ACKR3: variants seen among roughly 807,000 people sequenced by gnomAD.
ACKR3 encodes the protein atypical chemokine receptor 3.
A neutral mutation model predicts 22.4 loss-of-function variants in ACKR3; 6 were observed. That is an observed-to-expected ratio of 0.27 (90% CI 0.15 to 0.53). The LOEUF (loss-of-function observed/expected upper bound fraction) is 0.53, where lower values mean the gene tolerates loss of function less well. ACKR3 is among the 20% of genes least tolerant of loss of function. The probability of loss-of-function intolerance (pLI) is 0.96; values close to 1 mark genes in which losing one functional copy is unlikely to be tolerated. For missense variants in ACKR3, 396 were observed against 475.2 expected, an observed-to-expected ratio of 0.83 and a Z score of 1.55; for synonymous variants, 209 against 205.2, an observed-to-expected ratio of 1.02 and a Z score of -0.16.
the ACKR3 span, among the ~76,000 whole-genome samples, chr2:236,555,946 T>C: frequency 1.3e-5 from 2 of 152,268 alleles, no homozygotes; most frequent in South Asian, 4.1e-4. Flanking sequence ...GACAGCGTAT[T>C]TAGAAACTAA....
At chr2:236,573,827 C>A (rs565646798) in intron 1 of ACKR3, among the ~76,000 whole-genome samples, 97 of 152,322 alleles carry the variant, frequency 6.4e-4, no homozygotes, top group African/African-American at 2.2e-3. Flanking sequence ...GTCCTGGCTC[C>A]TGCATGGACA....
chr2:236,558,203 T>G, the ACKR3 span, among the ~76,000 whole-genome samples: 2 of 152,114 alleles, frequency 1.3e-5, no homozygotes, highest in Non-Finnish European at 2.9e-5. Flanking sequence ...GCCTGCTCCT[T>G]GGGGAGCAGG....
chr2:236,580,375 T>A, intron 1 of ACKR3, 65 bp from the exon 2 acceptor site: 2 of 1,525,444 alleles, frequency 1.3e-6, no homozygotes, highest in Non-Finnish European at 1.8e-6. Flanking sequence ...TGCCTGAAAC[T>A]TGAGTTTTTC....
At chr2:236,545,185 T>G in the ACKR3 span, among the ~76,000 whole-genome samples, 3,557 of 152,282 alleles carry the variant, frequency 0.023, 133 homozygotes, top group African/African-American at 0.081. This position sits in a 1 kb window ranked among gnomAD's most constrained non-coding sequence, Gnocchi z 5.3. Flanking sequence ...AGCTTCCATG[T>G]GGCTGGGAGG....
At chr2:236,570,449 T>TC in intron 1 of ACKR3, among the ~76,000 whole-genome samples, 1 of 152,362 alleles carries the variant, frequency 6.6e-6, no homozygotes, top group Non-Finnish European at 1.5e-5. Flanking sequence ...TCTTTGTGAG[T>TC]CCAAGATGTA....
chr2:236,540,546 T>C, the ACKR3 span, among the ~76,000 whole-genome samples: 1 of 152,238 alleles, frequency 6.6e-6, no homozygotes, highest in South Asian at 2.1e-4. Flanking sequence ...CATTAATGTT[T>C]AGTGTTTTTC....
chr2:236,541,749 T>C, the ACKR3 span, among the ~76,000 whole-genome samples: 2 of 152,312 alleles, frequency 1.3e-5, no homozygotes, highest in East Asian at 3.9e-4. Context: ...GTGGAGATAA[T>C]TGAATTATGG....
At chr2:236,569,314 T>C (rs929558948), upstream of ACKR3, among the ~76,000 whole-genome samples, 15 of 152,236 alleles carry the variant, frequency 9.9e-5, no homozygotes, top group African/African-American at 3.6e-4. Context: ...CATCGATTCA[T>C]TGGTCATACC....
rs1442239117 is a variant in ACKR3 at position 236,577,197 on chromosome 2, C to T, written c.-26-3243C>T. Among the ~76,000 whole-genome samples, 2 of 152,196 alleles carry T rather than the reference C, an allele frequency of 1.3e-5. No individual in the cohort carries two copies. The highest frequency in any genetic ancestry group is 2.9e-5 in the Non-Finnish European group (2 of 68,038). Reference sequence around the variant, plus strand: ...CGGTGGGGCAGTGAGGAGCTCCAGCCTCCGCTCTCTCATTCAGCCCTTGGG... The same window carrying T: ...CGGTGGGGCAGTGAGGAGCTCCAGCTTCCGCTCTCTCATTCAGCCCTTGGG... On this transcript the variant is annotated intron_variant, in intron 1 of 1. Transcript: ENST00000272928. The surrounding 1 kb of genome is among the most constrained non-coding windows in gnomAD (Gnocchi z 5.6).
intron 1 of ACKR3, 21 bp from the exon 2 acceptor site, chr2:236,580,419 G>C: frequency 6.4e-7 from 1 of 1,552,926 alleles, no homozygotes; most frequent in Non-Finnish European, 8.7e-7. Context: ...CATCTTTTTT[G>C]TTTGCTTGGT....
At chr2:236,543,941 GTATATATATATATA>G in the ACKR3 span, among the ~76,000 whole-genome samples, 1,175 of 57,714 alleles carry the variant, frequency 0.02, 32 homozygotes, top group Non-Finnish European at 0.036. Context: ...TGGGAGAAGG[GTATATATATATATA>G]TATATATATA....
At chr2:236,553,992 G>C in the ACKR3 span, among the ~76,000 whole-genome samples, 3 of 152,284 alleles carry the variant, frequency 2.0e-5, no homozygotes, top group East Asian at 5.8e-4. Context: ...TAGTTGGTGA[G>C]GGTCCTGGAC....
upstream of ACKR3, among the ~76,000 whole-genome samples, chr2:236,565,888 T>A (rs1207682933): frequency 6.6e-6 from 1 of 152,242 alleles, no homozygotes; most frequent in East Asian, 1.9e-4. Context: ...GAGCGTCCAG[T>A]CCCAGGTGAA....
At chr2:236,552,539 C>T in the ACKR3 span, among the ~76,000 whole-genome samples, 1 of 152,058 alleles carries the variant, frequency 6.6e-6, no homozygotes, top group Non-Finnish European at 1.5e-5. Context: ...AACAACTTTC[C>T]TTTTTGGGAG....
At chr2:236,572,094 A>C (rs941316637) in intron 1 of ACKR3, among the ~76,000 whole-genome samples, 1 of 152,236 alleles carries the variant, frequency 6.6e-6, no homozygotes, top group African/African-American at 2.4e-5. Flanking sequence ...GAAATAAAAG[A>C]AAGCAAGCCA....
At position 236,580,754 on chromosome 2, in the gene ACKR3, A is replaced by G. The variant is rs773823324; in HGVS notation, c.289A>G (p.Ile97Val). Residue 97 changes from isoleucine (I) to valine (V), a missense_variant, in exon 2 of 2, where the codon ATC becomes GTC. Transcript: ENST00000272928. The stretch of plus-strand genomic sequence containing the variant: ...TGCCGACCTGTGGGTTGTCCTCACC[A>G]TCCCAGTCTGGGTGGTCAGTCTCGT... ...AIADLWVVLT[I>V]PVWVVSLVQH... The G allele has an allele frequency of 2.5e-6, 4 of 1,613,924 alleles. No individual in the cohort carries two copies. Among genetic ancestry groups the G allele is most frequent in the Admixed American group, 1.7e-5 (1 of 59,998 alleles).
chr2:236,576,977 T>C (rs192649887), intron 1 of ACKR3, among the ~76,000 whole-genome samples: 42 of 152,336 alleles, frequency 2.8e-4, no homozygotes, highest in African/African-American at 8.2e-4. Context: ...CTTTCCTTCC[T>C]ATCTGACCCC....
chr2:236,568,548 G>C (rs374052688), upstream of ACKR3, among the ~76,000 whole-genome samples: 3 of 152,212 alleles, frequency 2.0e-5, no homozygotes, highest in African/African-American at 2.4e-5. Context: ...CGCTGCGCTC[G>C]GGCTGGGAAA....
the ACKR3 span, among the ~76,000 whole-genome samples, chr2:236,537,761 G>A: frequency 8.7e-4 from 133 of 152,324 alleles, no homozygotes; most frequent in African/African-American, 2.9e-3. Context: ...GGGAAAATGT[G>A]TCCCAGCTTC....
Sources: allele counts gnomAD v4.1 joint callset (sites outside exome capture counted in the v4.1 genomes callset), GRCh38; gene constraint gnomAD v4.1.1; non-coding constraint Gnocchi (gnomAD v3.1); transcripts MANE v1.5; gene names NCBI Gene and HGNC (gene_info 2026-07-23, HGNC 2026-07-21).